Variants in CTNND2 observed in about 807,000 individuals in gnomAD.
The protein encoded by CTNND2 is catenin delta 2.
In CTNND2, 22 loss-of-function variants were observed where a neutral mutation model predicts 144.4. That is an observed-to-expected ratio of 0.15 (90% CI 0.11 to 0.22). The LOEUF is 0.22. Among genes scored for constraint, CTNND2 ranks in the 10% least tolerant of loss-of-function variants. CTNND2 has a pLI of 1.00. For synonymous variants in CTNND2, 751 were observed against 695.6 expected, an observed-to-expected ratio of 1.08 and a Z score of -1.25; for missense variants, 1,353 against 1,618.8, an observed-to-expected ratio of 0.84 and a Z score of 2.82.
At chr5:11,570,330 G>T (rs188647668) in intron 2 of CTNND2, among the ~76,000 whole-genome samples, 15 of 152,238 alleles carry the variant, frequency 9.9e-5, no homozygotes, top group African/African-American at 2.6e-4. Context: ...GTGGATTCCT[G>T]TCTCCTCTAT....
intron 9 of CTNND2, among the ~76,000 whole-genome samples, chr5:11,316,993 C>G (rs1190848495): frequency 1.3e-5 from 2 of 152,058 alleles, no homozygotes; most frequent in Non-Finnish European, 2.9e-5. Flanking sequence ...ACAACCCCAT[C>G]AAAAAGTGGG....
chr5:11,092,763 T>A (rs1454912693), intron 15 of CTNND2, among the ~76,000 whole-genome samples: 3 of 152,230 alleles, frequency 2.0e-5, no homozygotes, highest in South Asian at 2.1e-4. Flanking sequence ...TTTCTTTACA[T>A]TTAAATCTAA....
chr5:11,404,811 T>C (rs1313442510), intron 5 of CTNND2, among the ~76,000 whole-genome samples: 1 of 151,908 alleles, frequency 6.6e-6, no homozygotes, highest in African/African-American at 2.4e-5. Flanking sequence ...GGTTTCACCA[T>C]GTTGGTCAGG....
At chr5:11,745,754 A>G (rs557403619) in intron 1 of CTNND2, among the ~76,000 whole-genome samples, 103 of 152,236 alleles carry the variant, frequency 6.8e-4, no homozygotes, top group Admixed American at 1.6e-3. Context: ...AAAAGAGTCA[A>G]TCTTCCTTAC....
At chr5:11,057,624 C>CAA (rs1746471632) in intron 16 of CTNND2, among the ~76,000 whole-genome samples, 1 of 152,090 alleles carries the variant, frequency 6.6e-6, no homozygotes, top group African/African-American at 2.4e-5. Flanking sequence ...TGGATTAATA[C>CAA]AATACATTGG....
rs999639158 is a variant in CTNND2, at chr5:10,973,776, C to A, written c.3418-63G>T. Reference sequence around the variant, plus strand: ...TTCCCTTGACTCAGCCTGCCTCTTGCCCCGGCACCCAACTCTCCTTCAAAG... The same window carrying A: ...TTCCCTTGACTCAGCCTGCCTCTTGACCCGGCACCCAACTCTCCTTCAAAG... On this transcript the variant is annotated intron_variant, in intron 21 of 21. Coordinates refer to ENST00000304623, the MANE Select transcript of CTNND2 (RefSeq NM_001332.4). The surrounding 1 kb of genome is among the most constrained non-coding windows in gnomAD (Gnocchi z 5.6). The A allele has an allele frequency of 2.7e-6, 4 of 1,509,256 alleles. No individual in the cohort carries two copies. The East Asian group carries it at 9.1e-5, about 34-fold the overall frequency. 93.5% of individuals were successfully genotyped at this position (1,509,256 alleles called of 1,614,324 possible).
chr5:11,303,817 T>C lies in CTNND2; in HGVS notation c.1628+42555A>G, dbSNP rs551392331. Among the ~76,000 whole-genome samples, 5 of 152,264 alleles carry C rather than the reference T, an allele frequency of 3.3e-5. No individual in the cohort carries two copies. The South Asian group carries it at 8.3e-4, about 25-fold the overall frequency. On this transcript the variant is annotated intron_variant, in intron 9 of 21. Transcript: ENST00000304623. Reference sequence around the variant, plus strand: ...ATAACGTTGATATGGTTTGGCTGTGTCCCCACCCAAATCTCATCTTGAATT... The same window carrying C: ...ATAACGTTGATATGGTTTGGCTGTGCCCCCACCCAAATCTCATCTTGAATT...
At chr5:11,319,376 A>C (rs1323797519) in intron 9 of CTNND2, among the ~76,000 whole-genome samples, 1 of 152,222 alleles carries the variant, frequency 6.6e-6, no homozygotes, top group Non-Finnish European at 1.5e-5. Context: ...GAGAGTTTTA[A>C]GAATATGTAA....
intron 1 of CTNND2, among the ~76,000 whole-genome samples, chr5:11,737,608 C>T (rs1029188108): frequency 4.6e-5 from 7 of 152,158 alleles, no homozygotes; most frequent in African/African-American, 1.7e-4. Context: ...CTGCTCTATG[C>T]CCACACATGC....
chr5:11,362,560 C>T (rs547913377), intron 8 of CTNND2, among the ~76,000 whole-genome samples: 3 of 152,294 alleles, frequency 2.0e-5, no homozygotes, highest in Admixed American at 6.5e-5. Flanking sequence ...CCAAGCACTT[C>T]TGGAAATTTC....
intron 16 of CTNND2, among the ~76,000 whole-genome samples, chr5:11,042,447 A>G (rs1744774330): frequency 6.6e-6 from 1 of 152,236 alleles, no homozygotes; most frequent in Non-Finnish European, 1.5e-5. Context: ...GTGGCATTAA[A>G]GAAGGATATG....
chr5:11,027,806 C>T (rs16901211), intron 16 of CTNND2, among the ~76,000 whole-genome samples: 5 of 152,240 alleles, frequency 3.3e-5, no homozygotes, highest in South Asian at 2.1e-4. Flanking sequence ...ACCTAACAAA[C>T]CATGTTGCCC....
intron 12 of CTNND2, among the ~76,000 whole-genome samples, chr5:11,135,865 G>A (rs2149725788): frequency 6.6e-6 from 1 of 152,294 alleles, no homozygotes; most frequent in Non-Finnish European, 1.5e-5. Flanking sequence ...CCACAACTTT[G>A]CCCTTGCTCT....
At chr5:11,383,974 C>T (rs1336253328) in intron 7 of CTNND2, among the ~76,000 whole-genome samples, 1 of 152,140 alleles carries the variant, frequency 6.6e-6, no homozygotes, top group Non-Finnish European at 1.5e-5. Context: ...GTTTCTCTCC[C>T]CAAGCCCAGC....
intron 11 of CTNND2, among the ~76,000 whole-genome samples, chr5:11,186,111 A>G (rs1234645033): frequency 6.6e-6 from 1 of 152,242 alleles, no homozygotes; most frequent in East Asian, 1.9e-4. Context: ...CTGAAATGTA[A>G]TTAGAGATAA....
chr5:11,826,997 C>T (rs2126953623), intron 1 of CTNND2, among the ~76,000 whole-genome samples: 1 of 152,100 alleles, frequency 6.6e-6, no homozygotes, highest in African/African-American at 2.4e-5. Flanking sequence ...ATTAACAAAA[C>T]ATTCCACACA....
chr5:11,754,087 T>A (rs1355483289), intron 1 of CTNND2, among the ~76,000 whole-genome samples: 1 of 151,480 alleles, frequency 6.6e-6, no homozygotes, highest in Non-Finnish European at 1.5e-5. Flanking sequence ...ATCTAGCTAG[T>A]GGTATATCAA....
At chr5:11,802,411 T>G (rs780519724) in intron 1 of CTNND2, among the ~76,000 whole-genome samples, 1 of 148,812 alleles carries the variant, frequency 6.7e-6, no homozygotes, top group Non-Finnish European at 1.5e-5. Context: ...CTACTAAAAG[T>G]GCAAAATTAG....
intron 1 of CTNND2, among the ~76,000 whole-genome samples, chr5:11,887,520 T>TTCTAGTG (rs1337570747): frequency 1.3e-5 from 2 of 151,272 alleles, no homozygotes; most frequent in African/African-American, 4.9e-5. Context: ...AAAAAAAAAC[T>TTCTAGTG]TCTAGTGTTA....
Sources: allele counts gnomAD v4.1 joint callset (sites outside exome capture counted in the v4.1 genomes callset), GRCh38; gene constraint gnomAD v4.1.1; non-coding constraint Gnocchi (gnomAD v3.1); transcripts MANE v1.5; gene names NCBI Gene and HGNC (gene_info 2026-07-23, HGNC 2026-07-21).